The following USP53 variants were observed in gnomAD, a reference collection of about 807,000 sequenced individuals.
USP53 encodes the protein ubiquitin carboxyl-terminal hydrolase 53.
In USP53, 71 loss-of-function variants were observed where a neutral mutation model predicts 94.9. The observed-to-expected ratio is 0.75, with a 90% confidence interval of 0.62 to 0.91. USP53 has a LOEUF of 0.91. USP53 is among the 40% of genes least tolerant of loss of function. The pLI is 0.00. For synonymous variants in USP53, 375 were observed against 422.7 expected, an observed-to-expected ratio of 0.89 and a Z score of 1.39; for missense variants, 1,173 against 1,281.0, an observed-to-expected ratio of 0.92 and a Z score of 1.29.
chr4:119,251,039 A>T (rs1748919813), intron 7 of USP53, among the ~76,000 whole-genome samples: 1 of 151,936 alleles, frequency 6.6e-6, no homozygotes, highest in African/African-American at 2.4e-5. Flanking sequence ...ATTTCTCCTA[A>T]TGTTATCCCT....
Position 119,259,911 on chromosome 4 carries a change from T to G in USP53, c.661T>G (p.Tyr221Asp), listed in dbSNP as rs1176025652. ...ACAAGCAGCAAATACAACAGATGACTATAGGAAATGTCCTGTAAGTATAGT... is the reference window on the plus strand; with the variant it reads ...ACAAGCAGCAAATACAACAGATGACGATAGGAAATGTCCTGTAAGTATAGT... ...LLQAANTTDD[Y>D]RKCPSNCGQK... Residue 221 changes from tyrosine to aspartate, a missense_variant, in exon 10 of 19, where the codon TAT becomes GAT. Physicochemically the swap from Tyr to Asp is radical, Grantham distance 160. Coordinates refer to ENST00000692078, the MANE Select transcript of USP53 (RefSeq NM_001371395.1). The G allele has an allele frequency of 2.5e-6, 4 of 1,609,130 alleles. No homozygotes were observed. Among genetic ancestry groups the G allele is most frequent in the Non-Finnish European group, 3.4e-6 (4 of 1,177,566 alleles).
In USP53 at chr4:119,285,262, A is replaced by G. The variant is rs1338238631; in HGVS notation, c.2252-5903A>G. Reference sequence around the variant, plus strand: ...AGTGTGTATTTGTGTTAGGTAGAACAGCTGAAGTGTTTATACCTAATGGAC... The same window carrying G: ...AGTGTGTATTTGTGTTAGGTAGAACGGCTGAAGTGTTTATACCTAATGGAC... On this transcript the variant is annotated intron_variant, in intron 17 of 18. Transcript: ENST00000692078. Among the ~76,000 whole-genome samples the G allele has an allele frequency of 2.6e-5, 4 of 151,940 alleles. No homozygotes were observed. The East Asian group carries it at 7.7e-4, about 29-fold the overall frequency.
chr4:119,269,483 C>G (rs1402380818), intron 14 of USP53, among the ~76,000 whole-genome samples: 1 of 151,996 alleles, frequency 6.6e-6, no homozygotes, highest in Non-Finnish European at 1.5e-5. Flanking sequence ...AGGGGCTATA[C>G]AAGGAGTTTT....
At chr4:119,274,087 T>TTTTA (rs559482694) in intron 17 of USP53, among the ~76,000 whole-genome samples, 2 of 149,596 alleles carry the variant, frequency 1.3e-5, no homozygotes, top group African/African-American at 4.9e-5. Context: ...TATTATTATT[T>TTTTA]TTTATTTATT....
chr4:119,265,466 A>C (rs1448953438), intron 12 of USP53, among the ~76,000 whole-genome samples: 1 of 152,060 alleles, frequency 6.6e-6, no homozygotes, highest in Admixed American at 6.6e-5. Flanking sequence ...ATTCACATTG[A>C]CTCCTCAAAG....
At chr4:119,231,629 G>T (rs188551808) in intron 3 of USP53, among the ~76,000 whole-genome samples, 7 of 152,230 alleles carry the variant, frequency 4.6e-5, no homozygotes, top group Non-Finnish European at 8.8e-5. Context: ...GACTCACAGG[G>T]CTCAGCATAT....
chr4:119,292,641 T>G lies in USP53; in HGVS notation c.2652T>G (p.Asn884Lys). 1 of 1,614,086 alleles carries G rather than the reference T, an allele frequency of 6.2e-7. No homozygotes were observed. Among genetic ancestry groups the G allele is most frequent in the South Asian group, 1.1e-5 (1 of 91,074 alleles). The change falls in exon 19 of 19, where the codon AAT becomes AAG. Residue 884 changes from asparagine to lysine, a missense_variant. Coordinates refer to ENST00000692078, the MANE Select transcript of USP53 (RefSeq NM_001371395.1). The stretch of plus-strand genomic sequence containing the variant: ...CTGCTCCTCTCATCCAGCAACAAAA[T>G]ATCATGGATCAATGTTACTTTGAGA... ...PETAPLIQQQNIMDQCYFENS... is the reference protein window; with the variant it reads ...PETAPLIQQQKIMDQCYFENS...
intron 17 of USP53, among the ~76,000 whole-genome samples, chr4:119,277,986 A>ATG (rs1331922638): frequency 6.3e-4 from 87 of 138,134 alleles, no homozygotes; most frequent in Non-Finnish European, 1.6e-4. Flanking sequence ...TTTTGAGCCT[A>ATG]TGTGTGTCTC....
chr4:119,229,629 C>A (rs1190311504), intron 3 of USP53, among the ~76,000 whole-genome samples: 1 of 152,172 alleles, frequency 6.6e-6, no homozygotes, highest in African/African-American at 2.4e-5. Context: ...GTGGACTTTA[C>A]TTCTGAAAGA....
At chr4:119,253,491 T>C (rs1749325409) in intron 7 of USP53, among the ~76,000 whole-genome samples, 1 of 152,220 alleles carries the variant, frequency 6.6e-6, no homozygotes, top group Non-Finnish European at 1.5e-5. Context: ...TTGTCTCTTT[T>C]GATCTTTGTT....
chr4:119,247,180 C>T (rs1748360507), intron 6 of USP53, among the ~76,000 whole-genome samples: 1 of 152,072 alleles, frequency 6.6e-6, no homozygotes, highest in East Asian at 1.9e-4. Context: ...TTATTAATTT[C>T]CTAGACCAAC....
intron 6 of USP53, among the ~76,000 whole-genome samples, chr4:119,246,165 A>G (rs1174953928): frequency 6.6e-6 from 1 of 152,202 alleles, no homozygotes; most frequent in Non-Finnish European, 1.5e-5. Context: ...ATGCTTTTGC[A>G]TGCTTCCTTA....
chr4:119,228,259 A>G (rs1467558018), intron 3 of USP53, among the ~76,000 whole-genome samples: 1 of 152,140 alleles, frequency 6.6e-6, no homozygotes, highest in Non-Finnish European at 1.5e-5. Flanking sequence ...ATTTCCTTGT[A>G]GGAGCGAGGT....
At chr4:119,273,785 G>A in intron 17 of USP53, 77 bp downstream of exon 17, 1 of 1,213,654 alleles carries the variant, frequency 8.2e-7, no homozygotes, top group Non-Finnish European at 1.2e-6. Flanking sequence ...TTATGTATCT[G>A]AGAGAAAATC....
rs762702807 is a variant in USP53 at position 119,248,807 on chromosome 4, G to C, written c.297G>C (p.Arg99Ser). The C allele has an allele frequency of 1.2e-6, 2 of 1,614,074 alleles. No homozygotes were observed. Among genetic ancestry groups the C allele is most frequent in the South Asian group, 1.1e-5 (1 of 91,078 alleles). The change falls in exon 7 of 19, where the codon AGG (arginine) becomes AGC (serine). Residue 99 changes from arginine (R) to serine (S), a missense_variant. Physicochemically the swap from Arg to Ser is moderately radical, Grantham distance 110 (BLOSUM62 -1). Coordinates refer to ENST00000692078, the MANE Select transcript of USP53 (RefSeq NM_001371395.1). ...AAGCACTTCCCTCAGATAACATAAG[G>C]CATGCTCTTGCAGAAAGTTTCAAAG... ...REKALPSDNIRHALAESFKDE... is the reference protein window; with the variant it reads ...REKALPSDNISHALAESFKDE...
chr4:119,265,315 G>A (rs1387409456), intron 12 of USP53, among the ~76,000 whole-genome samples: 1 of 152,188 alleles, frequency 6.6e-6, no homozygotes, highest in Non-Finnish European at 1.5e-5. Flanking sequence ...GTACTTTGAT[G>A]TAGGAGTTTA....
chr4:119,268,173 C>T (rs79445156), intron 13 of USP53, 95 bp from the exon 14 acceptor site: 2 of 861,848 alleles, frequency 2.3e-6, no homozygotes, highest in East Asian at 8.3e-5. Context: ...GACTCCGTCT[C>T]AAAAAAAAAA....
chr4:119,256,056 A>G (rs1749726612), intron 7 of USP53, among the ~76,000 whole-genome samples, 190 bp from the exon 8 acceptor site: 1 of 152,114 alleles, frequency 6.6e-6, no homozygotes, highest in African/African-American at 2.4e-5. Flanking sequence ...TTTTCTTTCA[A>G]GCTAGTGCTA....
intron 17 of USP53, among the ~76,000 whole-genome samples, chr4:119,274,196 A>T (rs1752263685): frequency 6.6e-6 from 1 of 151,278 alleles, no homozygotes; most frequent in East Asian, 1.9e-4. Context: ...GCGCTGCACC[A>T]CTAACTCGTC....
Sources: allele counts gnomAD v4.1 joint callset (sites outside exome capture counted in the v4.1 genomes callset), GRCh38; gene constraint gnomAD v4.1.1; transcripts MANE v1.5; gene names NCBI Gene and HGNC (gene_info 2026-07-23, HGNC 2026-07-21).